Variants in MS4A13 observed in about 807,000 individuals in gnomAD.
MS4A13 encodes membrane spanning 4-domains A13.
MS4A13 carries 21 observed loss-of-function variants against 18.4 expected under a neutral mutation model. The ratio of observed to expected loss-of-function variants is 1.14; its 90% CI spans 0.81 to 1.64. The LOEUF is 1.64. Ranked by LOEUF, MS4A13 falls within the 40% of genes most tolerant of loss-of-function variation. The pLI is 0.00. For missense variants in MS4A13, 173 were observed against 176.8 expected, an observed-to-expected ratio of 0.98 and a Z score of 0.12; for synonymous variants, 62 against 57.2, an observed-to-expected ratio of 1.08 and a Z score of -0.38.
intron 3 of MS4A13, among the ~76,000 whole-genome samples, chr11:60,520,213 A>G (rs1299242471): frequency 1.3e-5 from 2 of 152,086 alleles, no homozygotes; most frequent in African/African-American, 2.4e-5. Flanking sequence ...GATAGTGAAT[A>G]AGTCTCACAA....
intron 6 of MS4A13, among the ~76,000 whole-genome samples, chr11:60,535,500 A>T (rs200112458): frequency 8.9e-5 from 12 of 134,596 alleles, no homozygotes; most frequent in Admixed American, 1.6e-4. Context: ...TGAATAGACC[A>T]ATAACAGGCT....
intron 1 of MS4A13, 94 bp downstream of exon 1, chr11:60,515,701 T>C (rs2086632803): frequency 6.6e-6 from 1 of 152,236 alleles, no homozygotes; most frequent in Admixed American, 6.5e-5. Flanking sequence ...TCATACTCTG[T>C]AAACAGTAGG....
Position 60,520,733 on chromosome 11 carries a change from G to A in MS4A13, c.129+2521G>A, listed in dbSNP as rs1440939794. Among the ~76,000 whole-genome samples, 7 of 152,172 alleles carry A rather than the reference G, an allele frequency of 4.6e-5. No individual in the cohort carries two copies. In the South Asian group the frequency reaches 6.2e-4, roughly 14 times the overall value. ...TTGTCTGCAGCTTTTCCAGGCACAC[G>A]GTGCAAGCTGTCAGAGGATCTACCA... is the stretch of plus-strand genomic sequence containing the variant. On this transcript the variant is annotated intron_variant, in intron 3 of 6. Coordinates refer to ENST00000378186, the MANE Select transcript of MS4A13 (RefSeq NM_001012417.3).
In MS4A13 at chr11:60,525,333, G is replaced by T; in HGVS notation, c.306+7G>T. 1.9e-6 allele frequency: 3 copies of T among 1,558,972 alleles called. No homozygotes were observed. The highest frequency in any genetic ancestry group is 2.4e-5 in the South Asian group (2 of 83,030). On this transcript the variant is annotated splice_region_variant and intron_variant, in intron 5 of 6. Coordinates refer to ENST00000378186, the MANE Select transcript of MS4A13 (RefSeq NM_001012417.3). ...CAGGAATTATGGACAAGCAGTAAGTGACCAATTCTATGGGAACATATTAAT... is the reference window on the plus strand; with the variant it reads ...CAGGAATTATGGACAAGCAGTAAGTTACCAATTCTATGGGAACATATTAAT...
At chr11:60,523,552 G>A (rs77162327) in intron 3 of MS4A13, among the ~76,000 whole-genome samples, 2,120 of 152,226 alleles carry the variant, frequency 0.014, 25 homozygotes, top group African/African-American at 0.025. Context: ...TCATTAGGAA[G>A]GATAACATTA....
chr11:60,532,347 T>C, intron 6 of MS4A13, among the ~76,000 whole-genome samples: 1 of 152,152 alleles, frequency 6.6e-6, no homozygotes, highest in Non-Finnish European at 1.5e-5. Context: ...GGGCGAGGCA[T>C]TGCCTCACCT....
intron 5 of MS4A13, among the ~76,000 whole-genome samples, chr11:60,528,592 C>T (rs1188106815): frequency 6.6e-6 from 1 of 151,854 alleles, no homozygotes; most frequent in African/African-American, 2.4e-5. Flanking sequence ...TTAAATAAAC[C>T]AAACAAAGAA....
chr11:60,519,038 T>C (rs2135247542), intron 3 of MS4A13, among the ~76,000 whole-genome samples: 1 of 152,212 alleles, frequency 6.6e-6, no homozygotes, highest in East Asian at 1.9e-4. Flanking sequence ...GAAAGAAAAT[T>C]GATGATATGA....
rs1555023684 is a variant in MS4A13, at chr11:60,522,239, G to GATGGATGTATATATATATATATCTATAT, written c.130-1655_130-1654insGATGTATATATATATATATCTATATATG. On this transcript the variant is annotated intron_variant, in intron 3 of 6. Transcript: ENST00000378186. Reference sequence around the variant, plus strand: ...AGATAGATAGATAGATAGATAGATAGATGTATATATATAGATATATACACA... The same window carrying GATGGATGTATATATATATATATCTATAT: ...AGATAGATAGATAGATAGATAGATAGATGGATGTATATATATATATATCTATATATGTATATATATAGATATATACACA... Among the ~76,000 whole-genome samples, 728 of 133,890 alleles carry GATGGATGTATATATATATATATCTATAT rather than the reference G, an allele frequency of 5.4e-3. 8 individuals carry two copies. Among genetic ancestry groups the GATGGATGTATATATATATATATCTATAT allele is most frequent in the Non-Finnish European group, 6.8e-3 (439 of 64,142 alleles). 87.8% of individuals were successfully genotyped at this position (133,890 alleles called of 152,430 possible).
At chr11:60,529,018 T>C (rs777646053) in intron 5 of MS4A13, among the ~76,000 whole-genome samples, 11 of 152,284 alleles carry the variant, frequency 7.2e-5, no homozygotes, top group Middle Eastern at 3.4e-3. Context: ...ATCTTATCAT[T>C]AGAGACAGGA....
At chr11:60,538,198 A>AAAAAC (rs1348083779) in intron 6 of MS4A13, among the ~76,000 whole-genome samples, 2 of 151,464 alleles carry the variant, frequency 1.3e-5, no homozygotes, top group East Asian at 3.9e-4. Context: ...AAAACGAAAA[A>AAAAAC]AAAAAACAAA....
At chr11:60,533,257 A>G (rs10897084) in intron 6 of MS4A13, among the ~76,000 whole-genome samples, 25,775 of 31,586 alleles carry the variant, frequency 0.82, 11,882 homozygotes, top group East Asian at 1. Flanking sequence ...CAAAGGCAAA[A>G]AAGTTGAAAA....
At chr11:60,527,390 C>CTGTG (rs2086723372) in intron 5 of MS4A13, among the ~76,000 whole-genome samples, 8 of 125,930 alleles carry the variant, frequency 6.4e-5, no homozygotes, top group South Asian at 2.9e-4. Flanking sequence ...CTCTCTCTCT[C>CTGTG]TCTCTCTCTC....
chr11:60,518,536 ACTT>A (rs2086653333), intron 3 of MS4A13, among the ~76,000 whole-genome samples: 1 of 152,142 alleles, frequency 6.6e-6, no homozygotes, highest in Non-Finnish European at 1.5e-5. Context: ...TATTATCTTC[ACTT>A]CAGTCTCCTC....
intron 6 of MS4A13, among the ~76,000 whole-genome samples, chr11:60,540,733 G>A (rs2086850453): frequency 6.6e-6 from 1 of 152,060 alleles, no homozygotes; most frequent in African/African-American, 2.4e-5. Flanking sequence ...GACCATATGA[G>A]CCCAGGAGTT....
At chr11:60,519,405 G>GTT (rs796778494) in intron 3 of MS4A13, among the ~76,000 whole-genome samples, 1 of 145,998 alleles carries the variant, frequency 6.8e-6, no homozygotes, top group African/African-American at 2.5e-5. Flanking sequence ...GCCTGTGGAA[G>GTT]TTTTTTTTTT....
intron 6 of MS4A13, among the ~76,000 whole-genome samples, chr11:60,531,272 A>G (rs4939399): frequency 0.16 from 25,013 of 152,146 alleles, 2,302 homozygotes; most frequent in East Asian, 0.27. Flanking sequence ...GACTAAGATC[A>G]CAATACTTGT....
At chr11:60,525,438 A>G in intron 5 of MS4A13, 112 bp downstream of exon 5, 1 of 679,310 alleles carries the variant, frequency 1.5e-6, no homozygotes, top group South Asian at 2.3e-5. Context: ...AAATTCTTTG[A>G]TTTAGTTGTG....
At chr11:60,522,234 A>ATATATATATATATCTATATAT (rs1402742805) in intron 3 of MS4A13, among the ~76,000 whole-genome samples, 2 of 108,694 alleles carry the variant, frequency 1.8e-5, no homozygotes, top group South Asian at 2.9e-4. Flanking sequence ...ATAGATAGAT[A>ATATATATATATATCTATATAT]GATAGATGTA....
Sources: gnomAD v4.1 joint callset for allele counts (sites outside exome capture counted in the v4.1 genomes callset) on GRCh38, gnomAD v4.1.1 for gene constraint, MANE v1.5 for transcripts, NCBI Gene and HGNC (gene_info 2026-07-23, HGNC 2026-07-21) for gene names.